PTCH1: variants seen among roughly 807,000 people sequenced by gnomAD.
The protein encoded by PTCH1 is protein patched homolog 1.
A neutral mutation model predicts 144.6 loss-of-function variants in PTCH1; 14 were observed. That is an observed-to-expected ratio of 0.10 (90% CI 0.06 to 0.15). The LOEUF is 0.15. PTCH1 is among the 10% of genes least tolerant of loss of function. The pLI is 1.00. For synonymous variants in PTCH1, 833 were observed against 793.6 expected (o/e 1.05, Z -0.83); for missense variants, 1,623 against 1,948.3 (o/e 0.83, Z 3.14).
chr9:95,460,703 C>A (rs1441736957), intron 16 of PTCH1, among the ~76,000 whole-genome samples: 1 of 152,182 alleles, frequency 6.6e-6, no homozygotes, highest in African/African-American at 2.4e-5. Context: ...TGGAATCAAA[C>A]AGCGCAGCCC....
rs765746826 is a variant in PTCH1, at chr9:95,459,630, C to G, written c.2857G>C (p.Ala953Pro). 1 of 1,614,052 alleles carries G rather than the reference C, an allele frequency of 6.2e-7. No homozygotes were observed. Among genetic ancestry groups the G allele is most frequent in the Non-Finnish European group, 8.5e-7 (1 of 1,180,038 alleles). The change falls in exon 17 of 24, where the codon GCC (alanine) becomes CCC (proline). Residue 953 changes from alanine (A) to proline (P), a missense_variant. By Grantham distance (27) the Ala-to-Pro change is conservative. Around this residue, in one of 7 missense-constraint regions of PTCH1, gnomAD observed 504 missense variants for 679.3 expected, o/e 0.74. Transcript: ENST00000331920. ...PHRPEWVHDK[A>P]DYMPETRLRI... ...AGCCTTGTTTCAGGCATGTAGTCGG[C>G]TTTGTCGTGGACCCATTCTGGTCGG...
In PTCH1 at chr9:95,478,082, G is replaced by T. The variant is rs1395013777; in HGVS notation, c.1320C>A (p.Ile440=). Residue 440 remains isoleucine (I), a synonymous_variant, in exon 9 of 24, where the codon ATC becomes ATA. Coordinates refer to ENST00000331920, the MANE Select transcript of PTCH1 (RefSeq NM_000264.5). ...ILKSFSDVSV[I]RVASGYLLML... is the part of the protein sequence containing the mutation. Reference sequence around the variant, plus strand: ...TGAGTAAGTAGCCGCTGGCCACGCGGATGACACTGACGTCAGAGAAGGATT... The same window carrying T: ...TGAGTAAGTAGCCGCTGGCCACGCGTATGACACTGACGTCAGAGAAGGATT... 1 of 1,614,088 alleles carries T rather than the reference G, an allele frequency of 6.2e-7. No homozygotes were observed. The highest frequency in any genetic ancestry group is 1.7e-5 in the Admixed American group (1 of 60,004).
chr9:95,448,297 C>T (rs1478852630), intron 22 of PTCH1, among the ~76,000 whole-genome samples: 1 of 152,314 alleles, frequency 6.6e-6, no homozygotes, highest in African/African-American at 2.4e-5. Flanking sequence ...CACGGAAGGG[C>T]TGCTCTGGCC....
intron 2 of PTCH1, among the ~76,000 whole-genome samples, chr9:95,486,449 TA>T (rs1257919520): frequency 6.6e-6 from 1 of 152,258 alleles, no homozygotes; most frequent in Non-Finnish European, 1.5e-5. Context: ...GAACAAACTG[TA>T]TCAGCCACAG....
intron 2 of PTCH1, among the ~76,000 whole-genome samples, chr9:95,491,694 G>A (rs1343148847): frequency 1.2e-4 from 19 of 152,270 alleles, no homozygotes; most frequent in Admixed American, 1.2e-3. Context: ...TACAGCAGGA[G>A]GTAGCCTAGG....
At position 95,456,367 on chromosome 9, in the gene PTCH1, C is replaced by A. The variant is rs2136649396; in HGVS notation, c.3215G>T (p.Gly1072Val). The A allele has an allele frequency of 6.2e-7, 1 of 1,614,116 alleles. No homozygotes were observed. Among genetic ancestry groups the A allele is most frequent in the Non-Finnish European group, 8.5e-7 (1 of 1,180,038 alleles). ...GGCACTGAGCTTGATTCCGATGAGG[C>A]CCATCATGCCGAACAGCTCGACCGT... ...LMTVELFGMM[G>V]LIGIKLSAVP... is the part of the protein sequence containing the mutation. Residue 1072 changes from glycine to valine, a missense_variant, in exon 19 of 24, where the codon GGC becomes GTC. Around this residue, in one of 7 missense-constraint regions of PTCH1, gnomAD observed 504 missense variants for 679.3 expected, o/e 0.74. Coordinates refer to ENST00000331920, the MANE Select transcript of PTCH1 (RefSeq NM_000264.5).
At chr9:95,511,001 TGCCGGACGC>T (rs569058963), upstream of PTCH1, among the ~76,000 whole-genome samples, 746 of 150,004 alleles carry the variant, frequency 5.0e-3, 6 homozygotes, top group South Asian at 7.7e-3. Flanking sequence ...CGGACGGACG[TGCCGGACGC>T]GCCGTAGTAC....
At chr9:95,456,144 G>T in intron 19 of PTCH1, 132 bp downstream of exon 19, 1 of 1,365,414 alleles carries the variant, frequency 7.3e-7, no homozygotes, top group Non-Finnish European at 1.0e-6. Context: ...GCTCTCCTAG[G>T]GGGCCCCTGT....
In PTCH1 at chr9:95,478,207, G is replaced by A. The variant is rs368690944; in HGVS notation, c.1216-21C>T. On this transcript the variant is annotated intron_variant, in intron 8 of 23. Coordinates refer to ENST00000331920, the MANE Select transcript of PTCH1 (RefSeq NM_000264.5). ...ACCACCTGTGGTCACAACAGAATGC[G>A]AAATGCCCAAATGCAATGAACACTT... 236 of 1,613,992 alleles carry A rather than the reference G, an allele frequency of 1.5e-4. No homozygotes were observed. The highest frequency in any genetic ancestry group is 2.2e-4 in the Admixed American group (13 of 60,004).
At chr9:95,507,235 A>G in intron 1 of PTCH1, 1 of 985,502 alleles carries the variant, frequency 1.0e-6, no homozygotes, top group South Asian at 4.7e-5. Context: ...TTACGACAAT[A>G]TTTGTGATCG....
Position 95,508,445 on chromosome 9 carries a change from G to A in PTCH1, c.-84C>T, listed in dbSNP as rs1338095234. The A allele has an allele frequency of 9.7e-7, 1 of 1,027,926 alleles. No individual in the cohort carries two copies. The highest frequency in any genetic ancestry group is 1.7e-5 in the African/African-American group (1 of 57,890). The allele number at this position is 1,027,926 out of a possible 1,614,324, so 63.7% of individuals were successfully genotyped here. On this transcript the variant is annotated 5_prime_UTR_variant, in exon 1 of 24. Coordinates refer to ENST00000331920, the MANE Select transcript of PTCH1 (RefSeq NM_000264.5). Reference sequence around the variant, plus strand: ...CTGCTGCCGCTGCTGCGGGCTCCTGGCGCGCCTGGGCGCTCGGCTTGCGAG... The same window carrying A: ...CTGCTGCCGCTGCTGCGGGCTCCTGACGCGCCTGGGCGCTCGGCTTGCGAG...
At chr9:95,469,189 G>A (rs770598475) in intron 13 of PTCH1, 36 bp from the exon 14 acceptor site, 7 of 1,612,760 alleles carry the variant, frequency 4.3e-6, no homozygotes, top group East Asian at 4.5e-5. Flanking sequence ...ATGTTATGCT[G>A]AAACAGGGAA....
rs374150356 is a variant in PTCH1 at position 95,506,437 on chromosome 9, C to G, written c.364G>C (p.Glu122Gln). ...ACCCACAGCTCCTCCACGTTGGTCT[C>G]GAGGTTCGCTGCTTTTAATCCCACC... is the stretch of plus-strand genomic sequence containing the variant. ...FAVGLKAANL[E>Q]TNVEELWVEV... The change falls in exon 2 of 24, where the codon GAG becomes CAG. Residue 122 changes from glutamate to glutamine, a missense_variant. Around this residue, in one of 7 missense-constraint regions of PTCH1, gnomAD observed 245 missense variants for 240.6 expected, o/e 1.02. Transcript: ENST00000331920. 2 of 1,612,242 alleles carry G rather than the reference C, an allele frequency of 1.2e-6. No individual in the cohort carries two copies. Among genetic ancestry groups the G allele is most frequent in the Non-Finnish European group, 1.7e-6 (2 of 1,179,478 alleles).
chr9:95,493,412 C>T (rs1446094548), intron 2 of PTCH1, among the ~76,000 whole-genome samples: 1 of 152,206 alleles, frequency 6.6e-6, no homozygotes, highest in Non-Finnish European at 1.5e-5. Flanking sequence ...GCACCAGGGG[C>T]ATGGCACACC....
chr9:95,508,058 TGA>T lies in PTCH1; in HGVS notation c.201+101_201+102del, dbSNP rs912735479. On this transcript the variant is annotated intron_variant, in intron 1 of 23. Coordinates refer to ENST00000331920, the MANE Select transcript of PTCH1 (RefSeq NM_000264.5). ...GTGTGAGTGAGTGTGTGTGTGTGTG[TGA>T]GAGAGAGAGGAAGAGAGTGTGTGTG... The T allele has an allele frequency of 9.1e-4, 1,371 of 1,500,744 alleles. 23 individuals carry two copies. In the African/African-American group the frequency reaches 0.014, roughly 15 times the overall value. 93.0% of individuals were successfully genotyped at this position (1,500,744 alleles called of 1,614,324 possible).
At chr9:95,506,298 G>A (rs1843627980) in intron 2 of PTCH1, 109 bp downstream of exon 2, 1 of 1,288,154 alleles carries the variant, frequency 7.8e-7, no homozygotes, top group African/African-American at 1.5e-5. Flanking sequence ...GTGCGGGCAG[G>A]GGGTTTCGCC....
At chr9:95,486,440 A>C (rs1001146794) in intron 2 of PTCH1, among the ~76,000 whole-genome samples, 11 of 152,262 alleles carry the variant, frequency 7.2e-5, no homozygotes, top group African/African-American at 1.9e-4. Context: ...AATTGAGAGG[A>C]ACAAACTGTA....
intron 17 of PTCH1, among the ~76,000 whole-genome samples, chr9:95,459,337 C>A (rs779938375): frequency 2.6e-4 from 40 of 152,176 alleles, no homozygotes; most frequent in Admixed American, 7.2e-4. Flanking sequence ...ACAGCTGGCA[C>A]GTGAGAGCAA....
chr9:95,516,510 T>A, exon 1 of PTCH1: 1 of 1,538,364 alleles, frequency 6.5e-7, no homozygotes, highest in Non-Finnish European at 8.7e-7. Context: ...CGGGTGCCGA[T>A]GGCGCGGACG....
Sources: gnomAD v4.1 joint callset for allele counts (sites outside exome capture counted in the v4.1 genomes callset) on GRCh38, gnomAD v4.1.1 for gene constraint, gnomAD v4.1.1 regional missense constraint, MANE v1.5 for transcripts, NCBI Gene and HGNC (gene_info 2026-07-23, HGNC 2026-07-21) for gene names.